Variants in WNT3 observed in about 807,000 individuals in gnomAD.
WNT3 encodes the protein Wnt family member 3.
Under a neutral mutation model 34.2 loss-of-function variants are expected in WNT3, and 7 were observed. The observed-to-expected ratio is 0.20, with a 90% CI of 0.12 to 0.38. The LOEUF is 0.38. Ranked by LOEUF, WNT3 falls within the 10% of genes least tolerant of loss-of-function variation. WNT3 has a pLI of 1.00. For synonymous variants in WNT3, 212 were observed against 211.5 expected (o/e 1.00, Z -0.02); for missense variants, 267 against 499.8 (o/e 0.53, Z 4.44).
rs182522314 is a variant in WNT3 at position 46,793,646 on chromosome 17, A to G, written c.81-19737T>C. Among the ~76,000 whole-genome samples the G allele has an allele frequency of 4.4e-3, 672 of 152,266 alleles. 7 individuals carry two copies. The highest frequency in any genetic ancestry group is 0.015 in the African/African-American group (638 of 41,534). On this transcript the variant is annotated intron_variant, in intron 1 of 4. Transcript: ENST00000225512. ...GGGACCAGAGAATTCAAGGTGGCAG[A>G]GGGTTAACAAGACCTCTCCCAAGAC... is the stretch of plus-strand genomic sequence containing the variant.
At chr17:46,810,861 G>T (rs531483303) in intron 1 of WNT3, among the ~76,000 whole-genome samples, 1 of 152,214 alleles carries the variant, frequency 6.6e-6, no homozygotes, top group Admixed American at 6.5e-5. Flanking sequence ...TCAAGATGGT[G>T]GCAGAGCCAG....
intron 1 of WNT3, among the ~76,000 whole-genome samples, chr17:46,791,007 TCCTGGTTTCCCCTTAG>T (rs1396770303): frequency 1.3e-5 from 2 of 152,206 alleles, no homozygotes; most frequent in East Asian, 3.8e-4. Flanking sequence ...TTTCCCTTCT[TCCTGGTTTCCCCTTAG>T]CTTTCTTAGC....
rs56965619 is a variant in WNT3 at position 46,779,053 on chromosome 17, TCACACACACACACACACA to T, written c.81-5162_81-5145del. 1.6e-3 allele frequency among the ~76,000 whole-genome samples: 157 copies of T among 100,668 alleles called. 1 individual carries two copies. Among genetic ancestry groups the T allele is most frequent in the Non-Finnish European group, 2.1e-3 (115 of 53,708 alleles). 66.0% of individuals were successfully genotyped at this position (100,668 alleles called of 152,430 possible). A position where few individuals can be genotyped will look rare whatever the true frequency, so the allele number is the denominator to read the frequency against. The stretch of plus-strand genomic sequence containing the variant: ...CAGTTATTCCCCGGTCCCTACCCCA[TCACACACACACACACACA>T]CACACACACACACACACACACACAC... On this transcript the variant is annotated intron_variant, in intron 1 of 4. Coordinates refer to ENST00000225512, the MANE Select transcript of WNT3 (RefSeq NM_030753.5).
At chr17:46,781,334 C>T (rs1238941730) in intron 1 of WNT3, among the ~76,000 whole-genome samples, 1 of 150,094 alleles carries the variant, frequency 6.7e-6, no homozygotes. Context: ...CACGGAAGAA[C>T]AAATACTGTA....
chr17:46,786,120 A>G (rs548997895), intron 1 of WNT3, among the ~76,000 whole-genome samples: 1 of 121,014 alleles, frequency 8.3e-6, no homozygotes. Flanking sequence ...AAAAGGGAGG[A>G]GGGTGCGAGA....
intron 1 of WNT3, among the ~76,000 whole-genome samples, chr17:46,779,598 T>C (rs1377892766): frequency 6.6e-6 from 1 of 152,200 alleles, no homozygotes; most frequent in Admixed American, 6.5e-5. Context: ...TGTTGACCCC[T>C]TGGAGTGAAA....
intron 1 of WNT3, among the ~76,000 whole-genome samples, chr17:46,813,749 G>A (rs1568099006): frequency 6.6e-6 from 1 of 152,060 alleles, no homozygotes; most frequent in African/African-American, 2.4e-5. Context: ...CTGGCTCCTT[G>A]TCTCCTGCCC....
At chr17:46,816,511 A>T (rs958028592) in intron 1 of WNT3, among the ~76,000 whole-genome samples, 20 of 131,456 alleles carry the variant, frequency 1.5e-4, no homozygotes, top group Non-Finnish European at 3.3e-5. Context: ...ACACACACAC[A>T]CACACCTCTC....
At chr17:46,801,476 C>T (rs1260217968) in intron 1 of WNT3, among the ~76,000 whole-genome samples, 11 of 126,136 alleles carry the variant, frequency 8.7e-5, no homozygotes, top group African/African-American at 2.7e-4. Flanking sequence ...AAAAATTAGC[C>T]GAGCATGGTG....
rs1394665124 is a variant in WNT3, at chr17:46,797,897, T to G, written c.80+20621A>C. 5.3e-5 allele frequency among the ~76,000 whole-genome samples: 8 copies of G among 152,266 alleles called. No individual in the cohort carries two copies. In the South Asian group the frequency reaches 1.0e-3, roughly 20 times the overall value. ...GCTAAAAATAGGCAAAATAAAACAT[T>G]TCATTTAGGCATTATTACCTGGGAA... On this transcript the variant is annotated intron_variant, in intron 1 of 4. Transcript: ENST00000225512.
intron 1 of WNT3, among the ~76,000 whole-genome samples, chr17:46,777,168 C>T (rs1417920627): frequency 2.0e-5 from 3 of 152,314 alleles, no homozygotes; most frequent in African/African-American, 7.2e-5. Context: ...CAAGATCATG[C>T]CGCTGCACTC....
chr17:46,771,760 CCCGCG>C (rs568207694), intron 2 of WNT3, among the ~76,000 whole-genome samples: 133,439 of 137,352 alleles, frequency 0.97, 64,902 homozygotes, highest in Non-Finnish European at 1. Context: ...GCCCCCCGCC[CCCGCG>C]CCGCGCCGCG....
intron 1 of WNT3, among the ~76,000 whole-genome samples, chr17:46,781,814 G>A (rs2059464007): frequency 1.3e-5 from 2 of 152,206 alleles, no homozygotes. Flanking sequence ...AAATTCCAGA[G>A]CCCCGGGTCT....
intron 1 of WNT3, among the ~76,000 whole-genome samples, chr17:46,779,173 GAAGAACTCTTCCA>G (rs2059439904): frequency 6.6e-6 from 1 of 151,368 alleles, no homozygotes; most frequent in Non-Finnish European, 1.5e-5. Context: ...GGAAAGGAAT[GAAGAACTCTTCCA>G]AAGGACGAGC....
intron 1 of WNT3, among the ~76,000 whole-genome samples, chr17:46,816,257 G>T (rs535256169): frequency 2.4e-4 from 36 of 151,500 alleles, no homozygotes; most frequent in African/African-American, 8.7e-4. Context: ...ACTTCTCTCT[G>T]TCTCTTACAC....
At chr17:46,795,690 G>T (rs1483921509) in intron 1 of WNT3, among the ~76,000 whole-genome samples, 1 of 152,178 alleles carries the variant, frequency 6.6e-6, no homozygotes, top group Non-Finnish European at 1.5e-5. Flanking sequence ...CTGCTGTTCT[G>T]CGGCACTGCT....
chr17:46,790,618 A>G (rs2083972339), intron 1 of WNT3, among the ~76,000 whole-genome samples: 1 of 151,968 alleles, frequency 6.6e-6, no homozygotes, highest in South Asian at 2.1e-4. Context: ...GTTAGGATCA[A>G]CCCGTCCCCT....
intron 1 of WNT3, among the ~76,000 whole-genome samples, chr17:46,811,935 C>T (rs766222214): frequency 6.6e-5 from 10 of 152,138 alleles, no homozygotes; most frequent in Admixed American, 6.5e-4. Context: ...CCAGCCTGGG[C>T]GACAGAGCAA....
chr17:46,815,065 G>A (rs1341130009), intron 1 of WNT3, among the ~76,000 whole-genome samples: 2 of 152,150 alleles, frequency 1.3e-5, no homozygotes, highest in Non-Finnish European at 2.9e-5. Flanking sequence ...TCACACAGCG[G>A]CAGGGTGAGC....
Sources: allele counts gnomAD v4.1 joint callset (sites outside exome capture counted in the v4.1 genomes callset), GRCh38; gene constraint gnomAD v4.1.1; transcripts MANE v1.5; gene names NCBI Gene and HGNC (gene_info 2026-07-23, HGNC 2026-07-21).